Variants in C11orf21 observed in about 807,000 individuals in gnomAD.
The protein encoded by C11orf21 is chromosome 11 open reading frame 21, also known as uncharacterized protein C11orf21.
C11orf21 carries 19 observed loss-of-function variants against 15.2 expected under a neutral mutation model. That is an observed-to-expected ratio of 1.25 (90% CI 0.87 to 1.84). The LOEUF is 1.84. Among genes scored for constraint, C11orf21 ranks in the 40% most tolerant of loss-of-function variants. The pLI is 0.00. For synonymous variants in C11orf21, 62 were observed against 66.8 expected (o/e 0.93, Z 0.35); for missense variants, 171 against 174.4 (o/e 0.98, Z 0.11).
At chr11:2,302,993 G>A (rs1847852285), upstream of C11orf21, 2 of 1,578,814 alleles carry the variant, frequency 1.3e-6, no homozygotes, top group Middle Eastern at 1.7e-4. Flanking sequence ...CATCGGGAGG[G>A]GCCTCGGGTG....
rs553524016 is a variant in C11orf21, at chr11:2,296,258, T to C, written c.*1692A>G. The C allele has an allele frequency of 6.6e-6, 1 of 152,298 alleles. No homozygotes were observed. Among genetic ancestry groups the C allele is most frequent in the South Asian group, 2.1e-4 (1 of 4,826 alleles). 9.4% of individuals were successfully genotyped at this position (152,298 alleles called of 1,614,324 possible). ...GGCTTCCACCTGGCCTTTCCCAGCA[T>C]AGTAGCCCCCACCCTCAGGTCAGGG... is the stretch of plus-strand genomic sequence containing the variant. On this transcript the variant is annotated 3_prime_UTR_variant, in exon 4 of 4. Coordinates refer to ENST00000381153, the MANE Select transcript of C11orf21 (RefSeq NM_001329958.2). The surrounding 1 kb of genome is among the most constrained non-coding windows in gnomAD (Gnocchi z 5.6).
rs1172935719 is a variant in C11orf21 at position 2,297,405 on chromosome 11, G to A, written c.*545C>T. On this transcript the variant is annotated 3_prime_UTR_variant, in exon 4 of 4. Transcript: ENST00000381153. ...GCGGGTGAACACTCGTGTGTTGGGAGGCTGGTGAAGCCTGGCATTGGGGGG... is the reference window on the plus strand; with the variant it reads ...GCGGGTGAACACTCGTGTGTTGGGAAGCTGGTGAAGCCTGGCATTGGGGGG... 2 of 152,336 alleles carry A rather than the reference G, an allele frequency of 1.3e-5. No individual in the cohort carries two copies. Among genetic ancestry groups the A allele is most frequent in the East Asian group, 3.8e-4 (2 of 5,200 alleles). 9.4% of individuals were successfully genotyped at this position (152,336 alleles called of 1,614,324 possible). A position where few individuals can be genotyped will look rare whatever the true frequency, so the allele number is the denominator to read the frequency against.
intron 2 of C11orf21, 30 bp downstream of exon 2, chr11:2,300,490 G>A (rs1410778414): frequency 5.6e-6 from 8 of 1,432,680 alleles, no homozygotes; most frequent in Non-Finnish European, 7.6e-6. Flanking sequence ...CCCCGCTGGT[G>A]GGGCACAGTG....
intron 1 of C11orf21, chr11:2,301,001 G>T: frequency 1.8e-6 from 1 of 557,050 alleles, no homozygotes; most frequent in East Asian, 3.1e-5. Context: ...ACTCAGGGTG[G>T]GAATTCCTGG....
At chr11:2,302,584 A>G (rs1010515350), upstream of C11orf21, 3 of 558,466 alleles carry the variant, frequency 5.4e-6, no homozygotes, top group Non-Finnish European at 9.6e-6. Flanking sequence ...AGACACAATG[A>G]TCAGAGGTCC....
chr11:2,302,390 G>C (rs1329827723), upstream of C11orf21, among the ~76,000 whole-genome samples: 2 of 152,200 alleles, frequency 1.3e-5, no homozygotes, highest in Non-Finnish European at 2.9e-5. Flanking sequence ...GGCAGGCAGG[G>C]ACCACCATGA....
At chr11:2,299,879 C>A (rs904867638) in intron 2 of C11orf21, among the ~76,000 whole-genome samples, 172 bp from the exon 3 acceptor site, 18 of 151,444 alleles carry the variant, frequency 1.2e-4, no homozygotes, top group African/African-American at 3.9e-4. Flanking sequence ...CACATGCATC[C>A]ACGCCCAATC....
At chr11:2,301,940 TG>T, upstream of C11orf21, 10 of 1,510,258 alleles carry the variant, frequency 6.6e-6, no homozygotes, top group South Asian at 1.0e-4. Context: ...GGTGAGGTGG[TG>T]GGGGGAGCCA....
chr11:2,302,203 C>T, upstream of C11orf21: 1 of 1,385,950 alleles, frequency 7.2e-7, no homozygotes, highest in East Asian at 2.6e-5. Flanking sequence ...TGGTCACCTG[C>T]TTCTTTATCT....
chr11:2,300,560 TC>T lies in C11orf21; in HGVS notation c.106del (p.Asp36ThrfsTer20), dbSNP rs1310450218. The T allele has an allele frequency of 6.5e-7, 1 of 1,549,620 alleles. No individual in the cohort carries two copies. Among genetic ancestry groups the T allele is most frequent in the Admixed American group, 2.0e-5 (1 of 50,892 alleles). ...CCAGCCGGGGGTTCCCGTCCACCTG[TC>T]AGGGGGTTCGACGCCACTTTGAGAT... ...LSSQSGVEPP[D>X]RWTGTPGWPS... On this transcript the variant is annotated frameshift_variant, in exon 2 of 4. Transcript: ENST00000381153. LOFTEE classifies it high-confidence loss of function.
rs1374618501 is a variant in C11orf21, at chr11:2,299,513, G to A, written c.342C>T (p.Gly114=). 4 of 1,550,550 alleles carry A rather than the reference G, an allele frequency of 2.6e-6. No individual in the cohort carries two copies. Among genetic ancestry groups the A allele is most frequent in the Non-Finnish European group, 3.5e-6 (4 of 1,146,982 alleles). The change falls in exon 3 of 4, where the codon GGC becomes GGT. Residue 114 remains glycine (G), a synonymous_variant. Coordinates refer to ENST00000381153, the MANE Select transcript of C11orf21 (RefSeq NM_001329958.2). ...RLGWDLDLEA[G]PSSGKLCPRA... is the part of the protein sequence containing the mutation. ...GAGGACACAGCTTTCCAGAGGAGGG[G>A]CCTGCTTCTAAGTCCAAGTCCCATC...
Position 2,299,873 on chromosome 11 carries a change from T to C in C11orf21, c.148-166A>G, listed in dbSNP as rs137980170. ...CTGCACACGCATCCATGCCTGCACA[T>C]GCATCCACGCCCAATCTCTTCCCTG... On this transcript the variant is annotated intron_variant, in intron 2 of 3. Transcript: ENST00000381153. 2.4e-3 allele frequency among the ~76,000 whole-genome samples: 357 copies of C among 147,346 alleles called. 3 individuals are homozygous for C. The highest frequency in any genetic ancestry group is 8.5e-3 in the African/African-American group (347 of 40,808).
chr11:2,298,274 C>T (rs752889023), intron 3 of C11orf21, among the ~76,000 whole-genome samples: 13 of 152,222 alleles, frequency 8.5e-5, no homozygotes, highest in Admixed American at 2.6e-4. Flanking sequence ...TGGGCCCTGA[C>T]GCTTGAGCAT....
At chr11:2,299,740 C>T (rs745988531) in intron 2 of C11orf21, 33 bp from the exon 3 acceptor site, 16 of 1,547,108 alleles carry the variant, frequency 1.0e-5, no homozygotes, top group Middle Eastern at 1.7e-4. Flanking sequence ...AGTGAGCGGG[C>T]GCACCTGGGA....
Position 2,301,393 on chromosome 11 carries a change from AC to A in C11orf21, c.53+362del, listed in dbSNP as rs549075473. The A allele has an allele frequency of 1.3e-4, 28 of 212,548 alleles. No homozygotes were observed. In the South Asian group the frequency reaches 2.2e-3, roughly 17 times the overall value. The allele number at this position is 212,548 out of a possible 1,614,324, so 13.2% of individuals were successfully genotyped here. A position where few individuals can be genotyped will look rare whatever the true frequency, so the allele number is the denominator to read the frequency against. ...CACCCTGCCCCAGAGGCCCACGGAA[AC>A]CCTGCCTGTACTGGGGCCGCAGCGC... On this transcript the variant is annotated intron_variant, in intron 1 of 3. Coordinates refer to ENST00000381153, the MANE Select transcript of C11orf21 (RefSeq NM_001329958.2).
In C11orf21 at chr11:2,299,735, G is replaced by C. The variant is rs551655670; in HGVS notation, c.148-28C>G. ...GGTGGGTAAGGACATTGTAGAGTGA[G>C]CGGGCGCACCTGGGACCCAGGAATT... is the stretch of plus-strand genomic sequence containing the variant. On this transcript the variant is annotated intron_variant, in intron 2 of 3. Coordinates refer to ENST00000381153, the MANE Select transcript of C11orf21 (RefSeq NM_001329958.2). 65 of 1,548,406 alleles carry C rather than the reference G, an allele frequency of 4.2e-5. No individual in the cohort carries two copies. The African/African-American group carries it at 7.5e-4, about 18-fold the overall frequency.
At chr11:2,302,794 G>T, upstream of C11orf21, 1 of 1,527,418 alleles carries the variant, frequency 6.5e-7, no homozygotes, top group South Asian at 1.1e-5. Flanking sequence ...CGAGCTCCCT[G>T]CTCCTGCAGC....
intron 2 of C11orf21, 58 bp from the exon 3 acceptor site, chr11:2,299,765 G>C: frequency 6.5e-7 from 1 of 1,542,402 alleles, no homozygotes; most frequent in South Asian, 1.2e-5. Flanking sequence ...GGAATTCACA[G>C]GAAGGAGAGA....
chr11:2,301,990 G>A (rs734094), upstream of C11orf21: 589,594 of 1,490,596 alleles, frequency 0.4, 118,282 homozygotes, highest in South Asian at 0.44. Flanking sequence ...CCCTTCTTCC[G>A]GGGCACCCAG....
Sources: gnomAD v4.1 joint callset for allele counts (sites outside exome capture counted in the v4.1 genomes callset) on GRCh38, gnomAD v4.1.1 for gene constraint, Gnocchi (gnomAD v3.1) non-coding constraint, MANE v1.5 for transcripts, NCBI Gene and HGNC (gene_info 2026-07-23, HGNC 2026-07-21) for gene names.